The following ACY3 variants were observed in gnomAD, a reference collection of about 807,000 sequenced individuals.
ACY3 encodes aminoacylase 3.
ACY3 carries 20 observed loss-of-function variants against 24.6 expected under a neutral mutation model. The ratio of observed to expected loss-of-function variants is 0.81; its 90% CI spans 0.57 to 1.18. The LOEUF (loss-of-function observed/expected upper bound fraction) is 1.18. ACY3 is among the 50% of genes most tolerant of loss of function. ACY3 has a pLI of 0.00. For missense variants in ACY3, 423 were observed against 426.8 expected (o/e 0.99, Z 0.08); for synonymous variants, 174 against 188.4 (o/e 0.92, Z 0.62).
Position 67,645,902 on chromosome 11 carries a change from A to G in ACY3, c.237-15T>C. ...TGGGCCTGGAACTGTGGAGACGGGAATGGGGGACACCGATCTTCACAGTCT... is the reference window on the plus strand; with the variant it reads ...TGGGCCTGGAACTGTGGAGACGGGAGTGGGGGACACCGATCTTCACAGTCT... On this transcript the variant is annotated splice_polypyrimidine_tract_variant and intron_variant, in intron 3 of 7. Coordinates refer to ENST00000255082, the MANE Select transcript of ACY3 (RefSeq NM_080658.2). 1.3e-6 allele frequency: 2 copies of G among 1,574,906 alleles called. No homozygotes were observed. Among genetic ancestry groups the G allele is most frequent in the Non-Finnish European group, 1.7e-6 (2 of 1,159,266 alleles).
chr11:67,644,919 G>C, intron 6 of ACY3, 50 bp from the exon 7 acceptor site: 1 of 1,590,860 alleles, frequency 6.3e-7, no homozygotes, highest in South Asian at 1.1e-5. Flanking sequence ...CAGGCTAGGG[G>C]ACAGACTGGG....
chr11:67,642,832 G>A lies in ACY3; in HGVS notation c.852C>T (p.Asn284=), dbSNP rs146627401. The A allele has an allele frequency of 3.8e-5, 61 of 1,614,130 alleles. No individual in the cohort carries two copies. The highest frequency in any genetic ancestry group is 2.7e-4 in the East Asian group (12 of 44,878). Reference sequence around the variant, plus strand: ...CGCCCTTCTCATAGTAGGCAGCCTCGTTAATGAACACGGGGTACACCGTGG... The same window carrying A: ...CGCCCTTCTCATAGTAGGCAGCCTCATTAATGAACACGGGGTACACCGTGG... ...GESTVYPVFI[N]EAAYYEKGVA... Residue 284 remains asparagine, a synonymous_variant, in exon 8 of 8, where the codon AAC becomes AAT. Coordinates refer to ENST00000255082, the MANE Select transcript of ACY3 (RefSeq NM_080658.2).
chr11:67,646,882 G>A lies in ACY3; in HGVS notation c.162C>T (p.Asn54=). Reference sequence around the variant, plus strand: ...GGCGGCAGCCGGATGTGGCTGCCGGGTTGGCCAGCACAGGCACAGCGGAGA... The same window carrying A: ...GGCGGCAGCCGGATGTGGCTGCCGGATTGGCCAGCACAGGCACAGCGGAGA... ...ASFSAVPVLA[N]PAATSGCRRY... The change falls in exon 3 of 8, where the codon AAC becomes AAT. Residue 54 remains asparagine (N), a synonymous_variant. Coordinates refer to ENST00000255082, the MANE Select transcript of ACY3 (RefSeq NM_080658.2). 4 of 1,612,500 alleles carry A rather than the reference G, an allele frequency of 2.5e-6. No homozygotes were observed. The highest frequency in any genetic ancestry group is 3.4e-6 in the Non-Finnish European group (4 of 1,179,776).
chr11:67,642,661 G>A lies in ACY3; in HGVS notation c.*63C>T. 5.1e-6 allele frequency: 8 copies of A among 1,559,902 alleles called. No homozygotes were observed. In the South Asian group the frequency reaches 8.9e-5, roughly 17 times the overall value. Reference sequence around the variant, plus strand: ...GTGGCAGAAGGGACCTCTGTGCTCAGAGCTGTGCCTCAGGACCCATCGTTC... The same window carrying A: ...GTGGCAGAAGGGACCTCTGTGCTCAAAGCTGTGCCTCAGGACCCATCGTTC... On this transcript the variant is annotated 3_prime_UTR_variant, in exon 8 of 8. Coordinates refer to ENST00000255082, the MANE Select transcript of ACY3 (RefSeq NM_080658.2).
rs1298237928 is a variant in ACY3 at position 67,642,716 on chromosome 11, G to C, written c.*8C>G. 6.2e-7 allele frequency: 1 copy of C among 1,613,918 alleles called. No individual in the cohort carries two copies. The highest frequency in any genetic ancestry group is 2.2e-5 in the East Asian group (1 of 44,890). On this transcript the variant is annotated 3_prime_UTR_variant, in exon 8 of 8. Coordinates refer to ENST00000255082, the MANE Select transcript of ACY3 (RefSeq NM_080658.2). ...GGGAAGACTGAGGTTGGGGAGGTGT[G>C]TCTTGGGTTAGGAAGCTGGGCTCGG... is the stretch of plus-strand genomic sequence containing the variant.
intron 1 of ACY3, among the ~76,000 whole-genome samples, chr11:67,650,068 G>A (rs1855599902): frequency 6.6e-6 from 1 of 152,206 alleles, no homozygotes; most frequent in Non-Finnish European, 1.5e-5. Flanking sequence ...AAGGGCAGCT[G>A]TGGGGAGTGA....
chr11:67,642,747 G>T lies in ACY3; in HGVS notation c.937C>A (p.Pro313Thr). The change falls in exon 8 of 8, where the codon CCT becomes ACT. Residue 313 changes from proline (P) to threonine (T), a missense_variant. Transcript: ENST00000255082. ...FTVPAMPALT[P>T]APSPAS ...GGTTAGGAAGCTGGGCTCGGGGCAG[G>T]GGTCAGCGCGGGCATGGCAGGCACG... The T allele has an allele frequency of 6.2e-7, 1 of 1,614,160 alleles. No homozygotes were observed. The highest frequency in any genetic ancestry group is 8.5e-7 in the Non-Finnish European group (1 of 1,180,044).
chr11:67,649,814 ATGTGTGCATGCATGTG>A (rs1327777500), intron 1 of ACY3, among the ~76,000 whole-genome samples: 52 of 131,316 alleles, frequency 4.0e-4, no homozygotes, highest in Admixed American at 1.2e-3. Context: ...TATTGTGTGC[ATGTGTGCATGCATGTG>A]TGTGTACATG....
chr11:67,645,802 C>T lies in ACY3; in HGVS notation c.322G>A (p.Ala108Thr). 1 of 1,614,026 alleles carries T rather than the reference C, an allele frequency of 6.2e-7. No individual in the cohort carries two copies. The highest frequency in any genetic ancestry group is 8.5e-7 in the Non-Finnish European group (1 of 1,179,946). The change falls in exon 4 of 8, where the codon GCC becomes ACC. Residue 108 changes from alanine (A) to threonine (T), a missense_variant. Ala to Thr is a moderately conservative substitution (Grantham distance 58, BLOSUM62 0). Transcript: ENST00000255082. ...TGCAGGTCAAGGACAAAGTCAAAGG[C>T]CTGGCCCGAGGCCTTGGGCCCCAGC... Reference protein sequence around the residue: ...QLLGPKASGQAFDFVLDLHNT... With the variant: ...QLLGPKASGQTFDFVLDLHNT...
intron 1 of ACY3, among the ~76,000 whole-genome samples, chr11:67,648,303 C>T (rs1441258068): frequency 6.6e-6 from 1 of 151,976 alleles, no homozygotes; most frequent in East Asian, 1.9e-4. Context: ...GCCCTAGAGG[C>T]GGGCTGCAGG....
chr11:67,644,713 C>T (rs1389779647), intron 7 of ACY3, 47 bp downstream of exon 7: 5 of 1,491,238 alleles, frequency 3.4e-6, no homozygotes, highest in Middle Eastern at 2.2e-4. Context: ...AAGGCTGTGG[C>T]CCCAGAAATC....
rs374689962 is a variant in ACY3, at chr11:67,647,080, T to G, written c.-20-17A>C. ...GTGCAGAACCTGGGGGTGGGCATAC[T>G]TAGGAGACCCTGGCCCCGATGCAAG... On this transcript the variant is annotated splice_polypyrimidine_tract_variant and intron_variant, in intron 2 of 7. Transcript: ENST00000255082. 6.9e-7 allele frequency: 1 copy of G among 1,454,526 alleles called. No homozygotes were observed. The allele number at this position is 1,454,526 out of a possible 1,614,324, so 90.1% of individuals were successfully genotyped here. A position where few individuals can be genotyped will look rare whatever the true frequency, so the allele number is the denominator to read the frequency against.
In ACY3 at chr11:67,650,602, T is replaced by C. The variant is rs1591135002; in HGVS notation, c.-114A>G. On this transcript the variant is annotated 5_prime_UTR_variant, in exon 1 of 8. Coordinates refer to ENST00000255082, the MANE Select transcript of ACY3 (RefSeq NM_080658.2). ...ACTCACCCACGTGGCCCCAGAGGGT[T>C]GAGGGTGACTCCCGGGGATCTTCTG... The C allele has an allele frequency of 6.6e-6, 1 of 152,154 alleles. No homozygotes were observed. The highest frequency in any genetic ancestry group is 1.5e-5 in the Non-Finnish European group (1 of 68,038). The allele number at this position is 152,154 out of a possible 1,614,324, so 9.4% of individuals were successfully genotyped here.
Position 67,645,735 on chromosome 11 carries a change from G to A in ACY3, c.389C>T (p.Ser130Phe), listed in dbSNP as rs2134109871. The change falls in exon 4 of 8, where the codon TCC becomes TTC. Residue 130 changes from serine to phenylalanine, a missense_variant. Ser to Phe is a radical substitution (Grantham distance 155). Coordinates refer to ENST00000255082, the MANE Select transcript of ACY3 (RefSeq NM_080658.2). Reference protein sequence around the residue: ...ANMGTCLIAKSSHEVFAMHLC... With the variant: ...ANMGTCLIAKFSHEVFAMHLC... ...GTGCATGGCAAAGACTTCGTGGGAGGACTTCGCGATTAAGCAGGTGCCCAT... is the reference window on the plus strand; with the variant it reads ...GTGCATGGCAAAGACTTCGTGGGAGAACTTCGCGATTAAGCAGGTGCCCAT... 1.2e-6 allele frequency: 2 copies of A among 1,613,140 alleles called. No individual in the cohort carries two copies. Among genetic ancestry groups the A allele is most frequent in the South Asian group, 2.2e-5 (2 of 91,010 alleles).
chr11:67,645,685 G>C lies in ACY3; in HGVS notation c.432+7C>G. On this transcript the variant is annotated splice_region_variant and intron_variant, in intron 4 of 7. Transcript: ENST00000255082. ...CTGGGGAGCTGTGTGCTTGGGGCCG[G>C]GGCCACCTGCAGATGGCGGCACAGG... The C allele has an allele frequency of 6.3e-7, 1 of 1,592,542 alleles. No individual in the cohort carries two copies. The highest frequency in any genetic ancestry group is 8.6e-7 in the Non-Finnish European group (1 of 1,169,232).
intron 4 of ACY3, 135 bp from the exon 5 acceptor site, chr11:67,645,515 G>C: frequency 8.1e-7 from 1 of 1,231,802 alleles, no homozygotes; most frequent in Non-Finnish European, 1.1e-6. Flanking sequence ...GGCAGGGTAG[G>C]GGAGGGGGTA....
Position 67,644,829 on chromosome 11 carries a change from G to A in ACY3, c.675C>T (p.Pro225=), listed in dbSNP as rs111397168. The A allele has an allele frequency of 2.0e-5, 32 of 1,585,174 alleles. No individual in the cohort carries two copies. Among genetic ancestry groups the A allele is most frequent in the Middle Eastern group, 1.7e-4 (1 of 5,932 alleles). The part of the protein sequence containing the change: ...FPAFEMEAYR[P]VGVVDFPRTE... ...TGCGGGGGAAGTCCACGACGCCCACGGGTCTATAGGCTTCCATCTCAAAGG... is the reference window on the plus strand; with the variant it reads ...TGCGGGGGAAGTCCACGACGCCCACAGGTCTATAGGCTTCCATCTCAAAGG... The change falls in exon 7 of 8, where the codon CCC becomes CCT. Residue 225 remains proline (P), a synonymous_variant. Coordinates refer to ENST00000255082, the MANE Select transcript of ACY3 (RefSeq NM_080658.2).
rs1194148832 is a variant in ACY3, at chr11:67,647,082, A to G, written c.-20-19T>C. 9 of 1,451,184 alleles carry G rather than the reference A, an allele frequency of 6.2e-6. No homozygotes were observed. In the South Asian group the frequency reaches 9.4e-5, roughly 15 times the overall value. The allele number at this position is 1,451,184 out of a possible 1,614,324, so 89.9% of individuals were successfully genotyped here. On this transcript the variant is annotated intron_variant, in intron 2 of 7. Coordinates refer to ENST00000255082, the MANE Select transcript of ACY3 (RefSeq NM_080658.2). ...GCAGAACCTGGGGGTGGGCATACTT[A>G]GGAGACCCTGGCCCCGATGCAAGGG... is the stretch of plus-strand genomic sequence containing the variant.
chr11:67,648,359 G>A lies in ACY3; in HGVS notation c.-94-770C>T, dbSNP rs769761445. ...GCGGGCTGTAGGTGGCACTCAGTGCGTCCAATGTGGCTCCATCCCCTCCTG... is the reference window on the plus strand; with the variant it reads ...GCGGGCTGTAGGTGGCACTCAGTGCATCCAATGTGGCTCCATCCCCTCCTG... On this transcript the variant is annotated intron_variant, in intron 1 of 7. Coordinates refer to ENST00000255082, the MANE Select transcript of ACY3 (RefSeq NM_080658.2). 2.4e-4 allele frequency among the ~76,000 whole-genome samples: 36 copies of A among 152,300 alleles called. No individual in the cohort carries two copies. In the Middle Eastern group the frequency reaches 0.014, roughly 58 times the overall value.
Sources: allele counts gnomAD v4.1 joint callset (sites outside exome capture counted in the v4.1 genomes callset), GRCh38; gene constraint gnomAD v4.1.1; transcripts MANE v1.5; gene names NCBI Gene and HGNC (gene_info 2026-07-23, HGNC 2026-07-21).